The following TBC1D9 variants were observed in gnomAD, a reference collection of about 807,000 sequenced individuals.
TBC1D9 encodes the protein TBC1 domain family member 9.
In TBC1D9, 63 loss-of-function variants were observed where a neutral mutation model predicts 132.0. That is an observed-to-expected ratio of 0.48 (90% CI 0.39 to 0.59). TBC1D9 has a LOEUF of 0.59. Among genes scored for constraint, TBC1D9 ranks in the 20% least tolerant of loss-of-function variants. TBC1D9 has a pLI of 0.00. For missense variants in TBC1D9, 1,261 were observed against 1,592.7 expected, an observed-to-expected ratio of 0.79 and a Z score of 3.54; for synonymous variants, 610 against 609.9, an observed-to-expected ratio of 1.00 and a Z score of 0.00.
At chr4:140,725,719 A>G (rs1345359415) in intron 1 of TBC1D9, among the ~76,000 whole-genome samples, 1 of 151,972 alleles carries the variant, frequency 6.6e-6, no homozygotes, top group African/African-American at 2.4e-5. Context: ...TGGAGTTAAT[A>G]GGGGTTGGGC....
At chr4:140,670,448 G>C (rs1737517858) in intron 7 of TBC1D9, 1 of 418,838 alleles carries the variant, frequency 2.4e-6, no homozygotes, top group Admixed American at 3.6e-5. Flanking sequence ...TCACTATATG[G>C]ACCTGAGTCA....
chr4:140,659,823 G>A (rs940421904), intron 10 of TBC1D9, 118 bp from the exon 11 acceptor site: 21 of 674,382 alleles, frequency 3.1e-5, no homozygotes, highest in Non-Finnish European at 3.0e-5. Flanking sequence ...TGTGAAAAGC[G>A]AGATAAATAT....
At chr4:140,719,160 A>G (rs889841882) in intron 1 of TBC1D9, among the ~76,000 whole-genome samples, 2 of 141,614 alleles carry the variant, frequency 1.4e-5, no homozygotes, top group African/African-American at 2.5e-5. Flanking sequence ...ATAAATAAAT[A>G]AAAGAAAGTG....
intron 1 of TBC1D9, among the ~76,000 whole-genome samples, chr4:140,735,433 T>G (rs1417551719): frequency 6.6e-6 from 1 of 152,216 alleles, no homozygotes; most frequent in Non-Finnish European, 1.5e-5. Flanking sequence ...ATATGTCAGC[T>G]GGGCATGGTA....
intron 6 of TBC1D9, among the ~76,000 whole-genome samples, chr4:140,675,873 A>T (rs781040296): frequency 5.3e-5 from 8 of 152,006 alleles, no homozygotes; most frequent in Non-Finnish European, 8.8e-5. Flanking sequence ...TACAATAAAC[A>T]TGTTTCCTAG....
At chr4:140,677,136 A>G (rs2303912) in intron 5 of TBC1D9, 35 bp from the exon 6 acceptor site, 245,488 of 1,607,222 alleles carry the variant, frequency 0.15, 19,782 homozygotes, top group Non-Finnish European at 0.17. Context: ...CATAAGAAAA[A>G]TGTTTCCATA....
At chr4:140,717,082 A>G (rs548870960) in intron 1 of TBC1D9, among the ~76,000 whole-genome samples, 8 of 152,352 alleles carry the variant, frequency 5.3e-5, no homozygotes, top group African/African-American at 1.9e-4. Flanking sequence ...ACCTGCAAGA[A>G]TTTATTTTAT....
chr4:140,694,374 C>T (rs1046450087), intron 2 of TBC1D9, among the ~76,000 whole-genome samples: 3 of 152,130 alleles, frequency 2.0e-5, no homozygotes, highest in African/African-American at 7.2e-5. Flanking sequence ...AGTTTGAGAT[C>T]TGCCTGGGCA....
chr4:140,712,449 A>AAT (rs10530134), intron 1 of TBC1D9, among the ~76,000 whole-genome samples: 9 of 102,704 alleles, frequency 8.8e-5, no homozygotes, highest in South Asian at 3.3e-4. Context: ...AAAAAAAAAG[A>AAT]ATATATATAT....
intron 6 of TBC1D9, among the ~76,000 whole-genome samples, chr4:140,674,483 A>C (rs1737591397): frequency 6.6e-6 from 1 of 152,116 alleles, no homozygotes; most frequent in African/African-American, 2.4e-5. Flanking sequence ...GAATGAATAA[A>C]TTATGTATAT....
intron 3 of TBC1D9, among the ~76,000 whole-genome samples, chr4:140,684,615 CT>C (rs1266870119): frequency 6.6e-6 from 1 of 151,900 alleles, no homozygotes; most frequent in Non-Finnish European, 1.5e-5. Flanking sequence ...ATTGTCACTT[CT>C]AAGCTTTAGC....
chr4:140,710,361 G>C (rs1738223961), intron 1 of TBC1D9, among the ~76,000 whole-genome samples: 1 of 152,080 alleles, frequency 6.6e-6, no homozygotes, highest in Non-Finnish European at 1.5e-5. Flanking sequence ...AGCTAAGAGA[G>C]GTGGAGCGCC....
chr4:140,732,977 C>T (rs1051354608), intron 1 of TBC1D9, among the ~76,000 whole-genome samples: 1 of 152,164 alleles, frequency 6.6e-6, no homozygotes, highest in African/African-American at 2.4e-5. Context: ...ATGAACTCTC[C>T]AATTTCCCCA....
At chr4:140,624,250 T>C in intron 19 of TBC1D9, 31 bp from the exon 20 acceptor site, 1 of 1,610,572 alleles carries the variant, frequency 6.2e-7, no homozygotes, top group Non-Finnish European at 8.5e-7. Flanking sequence ...AATAAGTGCT[T>C]ACAGGCCAAA....
At chr4:140,689,753 C>CTTTT (rs796339181) in intron 2 of TBC1D9, among the ~76,000 whole-genome samples, 1 of 111,840 alleles carries the variant, frequency 8.9e-6, no homozygotes, top group African/African-American at 3.6e-5. Context: ...CCTCCCACCC[C>CTTTT]TTTTTTTTTT....
chr4:140,628,220 G>A (rs1443477401), intron 17 of TBC1D9, 80 bp downstream of exon 17: 24 of 1,217,448 alleles, frequency 2.0e-5, no homozygotes, highest in Admixed American at 1.9e-4. Context: ...AAAAGAGGAC[G>A]ATCAGGTTAC....
chr4:140,641,811 C>T (rs913938087), intron 13 of TBC1D9: 2 of 288,832 alleles, frequency 6.9e-6, no homozygotes, highest in African/African-American at 4.4e-5. Context: ...CTGCCAAGAA[C>T]CCAGATGGCG....
intron 2 of TBC1D9, among the ~76,000 whole-genome samples, chr4:140,698,380 G>A (rs542138501): frequency 5.2e-4 from 79 of 152,242 alleles, no homozygotes; most frequent in African/African-American, 1.9e-3. Context: ...CCATGCCTTC[G>A]TTCATGGGCT....
chr4:140,647,483 G>A (rs1473334447), intron 13 of TBC1D9, among the ~76,000 whole-genome samples: 1 of 152,196 alleles, frequency 6.6e-6, no homozygotes, highest in Non-Finnish European at 1.5e-5. Flanking sequence ...ATGTGAGTGG[G>A]CAACTCAGTT....
Sources: allele counts gnomAD v4.1 joint callset (sites outside exome capture counted in the v4.1 genomes callset), GRCh38; gene constraint gnomAD v4.1.1; transcripts MANE v1.5; gene names NCBI Gene and HGNC (gene_info 2026-07-23, HGNC 2026-07-21).